The following MAMLD1 variants were observed in gnomAD, a reference collection of about 807,000 sequenced individuals.
The protein encoded by MAMLD1 is mastermind like domain containing 1, also known as mastermind-like domain-containing protein 1.
MAMLD1 carries 14 observed loss-of-function variants against 45.0 expected under a neutral mutation model. The observed-to-expected ratio is 0.31, with a 90% confidence interval of 0.21 to 0.49. The LOEUF (loss-of-function observed/expected upper bound fraction) is 0.49. MAMLD1 is among the 20% of genes least tolerant of loss of function. MAMLD1 has a pLI of 0.99. For missense variants in MAMLD1, 543 were observed against 603.6 expected (o/e 0.90, Z 1.05); for synonymous variants, 254 against 247.8 (o/e 1.02, Z -0.24).
intron 1 of MAMLD1, among the ~76,000 whole-genome samples, chrX:150,379,890 G>A (rs782020947): frequency 1.2e-4 from 14 of 112,157 alleles, no homozygotes; most frequent in African/African-American, 3.9e-4. Flanking sequence ...GCATAGTACT[G>A]CATTGTGTAG....
chrX:150,486,674 C>G (rs1362449442), intron 5 of MAMLD1, among the ~76,000 whole-genome samples: 6 of 112,061 alleles, frequency 5.4e-5, no homozygotes, highest in African/African-American at 2.0e-4. Flanking sequence ...GGATCCAACT[C>G]CAATCCGGAA....
At chrX:150,432,859 GC>G in intron 1 of MAMLD1, among the ~76,000 whole-genome samples, 1 of 112,051 alleles carries the variant, frequency 8.9e-6, no homozygotes, top group East Asian at 2.8e-4. Flanking sequence ...GATGCCTCCA[GC>G]TTTGCTCTTT....
intron 1 of MAMLD1, among the ~76,000 whole-genome samples, chrX:150,403,798 AAAGAAAGG>A (rs1316430089): frequency 2.8e-5 from 3 of 105,282 alleles, no homozygotes; most frequent in African/African-American, 1.0e-4. Context: ...AGACTGAGAG[AAAGAAAGG>A]AAGAAAGGAA....
intron 1 of MAMLD1, among the ~76,000 whole-genome samples, chrX:150,388,146 G>A (rs1339958144): frequency 1.8e-5 from 2 of 111,423 alleles, no homozygotes; most frequent in South Asian, 7.4e-4. Context: ...AACCATCTAG[G>A]TATGGATATT....
At position 150,512,692 on chromosome X, in the gene MAMLD1, G is replaced by A. The variant is rs1298705829; in HGVS notation, c.*733G>A. 2.8e-5 allele frequency: 32 copies of A among 1,150,784 alleles called. No individual in the cohort carries two copies. Among genetic ancestry groups the A allele is most frequent in the Admixed American group, 5.2e-5 (2 of 38,495 alleles). The allele number at this position is 1,150,784 out of a possible 1,213,427, so 94.8% of individuals were successfully genotyped here. On this transcript the variant is annotated 3_prime_UTR_variant, in exon 8 of 8. Transcript: ENST00000370401. Reference sequence around the variant, plus strand: ...CCACCAAGTTCCTCCAGCAGGGTATGGCCAGCTTTAGTCCCCTGAGCCCCA... The same window carrying A: ...CCACCAAGTTCCTCCAGCAGGGTATAGCCAGCTTTAGTCCCCTGAGCCCCA...
rs782727858 is a variant in MAMLD1, at chrX:150,503,382, G to A, written c.2149G>A (p.Gly717Ser). 5.8e-5 allele frequency: 70 copies of A among 1,210,829 alleles called. No homozygotes were observed. The South Asian group carries it at 1.0e-3, about 18-fold the overall frequency. ...QALGSESFLP[G>S]SSFAHELARV... ...CCTGGGGAGTGAGTCCTTCCTGCCCGGCAGCTCCTTTGCTCATGAGCTGGC... is the reference window on the plus strand; with the variant it reads ...CCTGGGGAGTGAGTCCTTCCTGCCCAGCAGCTCCTTTGCTCATGAGCTGGC... The change falls in exon 6 of 8, where the codon GGC (glycine) becomes AGC (serine). Residue 717 changes from glycine to serine, a missense_variant. By Grantham distance (56) the Gly-to-Ser change is moderately conservative. Coordinates refer to ENST00000370401, the MANE Select transcript of MAMLD1 (RefSeq NM_005491.5).
intron 5 of MAMLD1, among the ~76,000 whole-genome samples, chrX:150,484,046 C>T (rs1357562127): frequency 1.8e-5 from 2 of 112,280 alleles, no homozygotes; most frequent in Non-Finnish European, 3.8e-5. Context: ...TGTAACTCTG[C>T]TATTTCTTTA....
chrX:150,423,239 T>G (rs2034577131), intron 1 of MAMLD1, among the ~76,000 whole-genome samples: 1 of 111,906 alleles, frequency 8.9e-6, no homozygotes, highest in Admixed American at 9.5e-5. Flanking sequence ...ACCAAACAAT[T>G]TCCAACATTT....
chrX:150,450,644 C>G (rs2035632691), intron 2 of MAMLD1, among the ~76,000 whole-genome samples: 1 of 111,136 alleles, frequency 9.0e-6, no homozygotes, highest in Non-Finnish European at 1.9e-5. Flanking sequence ...CCAAACCACA[C>G]AGGGCATGAT....
chrX:150,380,542 G>A (rs1466440668), intron 1 of MAMLD1, among the ~76,000 whole-genome samples: 2 of 111,236 alleles, frequency 1.8e-5, no homozygotes, highest in Admixed American at 9.5e-5. Context: ...TCAAGTATCA[G>A]TCTTTTCTTT....
At chrX:150,493,012 A>G (rs1347166032) in intron 5 of MAMLD1, among the ~76,000 whole-genome samples, 2 of 111,736 alleles carry the variant, frequency 1.8e-5, no homozygotes, top group Admixed American at 9.5e-5. Context: ...CCATAAATGT[A>G]GGGAAGGAAG....
intron 5 of MAMLD1, among the ~76,000 whole-genome samples, chrX:150,494,673 A>G (rs1320513999): frequency 4.5e-4 from 48 of 106,682 alleles, no homozygotes; most frequent in African/African-American, 1.6e-3. Context: ...TTGAGCCCAG[A>G]GTTTGAGACC....
intron 5 of MAMLD1, among the ~76,000 whole-genome samples, chrX:150,493,666 G>A (rs1215944223): frequency 9.0e-6 from 1 of 111,709 alleles, no homozygotes; most frequent in African/African-American, 3.3e-5. Flanking sequence ...GGCAAGCTTT[G>A]TGCTCATCCT....
At position 150,513,080 on chromosome X, in the gene MAMLD1, G is replaced by C. The variant is rs1384228571; in HGVS notation, c.*1121G>C. On this transcript the variant is annotated 3_prime_UTR_variant, in exon 8 of 8. Coordinates refer to ENST00000370401, the MANE Select transcript of MAMLD1 (RefSeq NM_005491.5). ...GGATGCTGGGGCACTTTAAATCTGA[G>C]CAGGATGCCCATAGAAACCCCCATG... 11 of 1,139,793 alleles carry C rather than the reference G, an allele frequency of 9.7e-6. No individual in the cohort carries two copies. Among genetic ancestry groups the C allele is most frequent in the Non-Finnish European group, 1.3e-5 (11 of 861,683 alleles). The allele number at this position is 1,139,793 out of a possible 1,213,427, so 93.9% of individuals were successfully genotyped here. A position where few individuals can be genotyped will look rare whatever the true frequency, so the allele number is the denominator to read the frequency against.
chrX:150,390,237 C>T (rs927298598), intron 1 of MAMLD1, among the ~76,000 whole-genome samples: 1 of 111,459 alleles, frequency 9.0e-6, no homozygotes, highest in Non-Finnish European at 1.9e-5. Context: ...GGTTAATTTT[C>T]GTATGCTTTG....
At chrX:150,423,282 C>T (rs1202262821) in intron 1 of MAMLD1, among the ~76,000 whole-genome samples, 2 of 109,659 alleles carry the variant, frequency 1.8e-5, no homozygotes, top group African/African-American at 6.7e-5. Context: ...TCCAGTTGTT[C>T]CTGTAGGGTA....
chrX:150,443,751 G>T (rs1219186651), intron 1 of MAMLD1, among the ~76,000 whole-genome samples: 2 of 110,336 alleles, frequency 1.8e-5, no homozygotes, highest in East Asian at 2.8e-4. Context: ...TGAGAATTCT[G>T]ATTACTTTGC....
intron 1 of MAMLD1, among the ~76,000 whole-genome samples, chrX:150,430,535 A>G (rs2124572087): frequency 9.0e-6 from 1 of 111,658 alleles, no homozygotes; most frequent in South Asian, 3.7e-4. Context: ...CACGTCTAAG[A>G]AAGAACTCTT....
At chrX:150,363,039 G>T (rs113715314), upstream of MAMLD1, among the ~76,000 whole-genome samples, 11,221 of 112,676 alleles carry the variant, frequency 0.1, 470 homozygotes, top group African/African-American at 0.16. Flanking sequence ...CCCCTCGGGC[G>T]GCCGCAGCTC....
Sources: allele counts gnomAD v4.1 joint callset (sites outside exome capture counted in the v4.1 genomes callset), GRCh38; gene constraint gnomAD v4.1.1; transcripts MANE v1.5; gene names NCBI Gene and HGNC (gene_info 2026-07-23, HGNC 2026-07-21).